BAZ1A: variants seen among roughly 807,000 people sequenced by gnomAD.
The protein encoded by BAZ1A is bromodomain adjacent to zinc finger domain protein 1A.
A neutral mutation model predicts 185.2 loss-of-function variants in BAZ1A; 50 were observed. The observed-to-expected ratio is 0.27, with a 90% confidence interval of 0.22 to 0.34. The LOEUF is 0.34. BAZ1A is among the 10% of genes least tolerant of loss of function. The pLI is 1.00. For missense variants in BAZ1A, 1,356 were observed against 1,839.9 expected (o/e 0.74, Z 4.81); for synonymous variants, 571 against 615.6 (o/e 0.93, Z 1.07).
chr14:34,849,335 C>T (rs960318869), intron 3 of BAZ1A, among the ~76,000 whole-genome samples: 2 of 152,060 alleles, frequency 1.3e-5, no homozygotes, highest in African/African-American at 2.4e-5. Context: ...TGTTCTGATA[C>T]GAGAAGACAT....
chr14:34,756,500 G>T (rs769663900), intron 25 of BAZ1A, among the ~76,000 whole-genome samples: 1 of 116,146 alleles, frequency 8.6e-6, no homozygotes, highest in African/African-American at 3.4e-5. Context: ...TTGAGACAGA[G>T]TCTTGCCTAG....
chr14:34,851,275 G>A (rs1037191150), intron 3 of BAZ1A, among the ~76,000 whole-genome samples: 2 of 146,432 alleles, frequency 1.4e-5, no homozygotes, highest in East Asian at 2.0e-4. Flanking sequence ...GGAGGTTGTG[G>A]TGAGCTGTGA....
chr14:34,874,866 T>G lies in BAZ1A; in HGVS notation c.-58-204A>C. The G allele has an allele frequency of 4.8e-5, 16 of 332,506 alleles. No individual in the cohort carries two copies. The highest frequency in any genetic ancestry group is 8.7e-4 in the Middle Eastern group (1 of 1,156). 20.6% of individuals were successfully genotyped at this position (332,506 alleles called of 1,614,324 possible). ...CCGCCCCTGCCCCCCGAGCGCGCCC[T>G]ACCTCCTCTCGTCCTGCCGCCGCCT... On this transcript the variant is annotated intron_variant, in intron 1 of 26. Coordinates refer to ENST00000360310, the MANE Select transcript of BAZ1A (RefSeq NM_013448.3). The surrounding 1 kb of genome is among the most constrained non-coding windows in gnomAD (Gnocchi z 4.7).
At chr14:34,802,737 G>T in intron 7 of BAZ1A, 117 bp downstream of exon 7, 2 of 1,065,916 alleles carry the variant, frequency 1.9e-6, no homozygotes, top group Non-Finnish European at 2.6e-6. Flanking sequence ...ACTTTTTGGT[G>T]AGGTAATGAG....
chr14:34,776,346 G>A lies in BAZ1A; in HGVS notation c.2406C>T (p.Ile802=). Residue 802 remains isoleucine, a synonymous_variant, in exon 18 of 27, where the codon ATC becomes ATT. Transcript: ENST00000360310. Reference sequence around the variant, plus strand: ...ACATGCGGTCGCGACCCAAGGGAAAGATATTGGTACAGGCTATGGCACTTT... The same window carrying A: ...ACATGCGGTCGCGACCCAAGGGAAAAATATTGGTACAGGCTATGGCACTTT... ...KIQSAIACTN[I]FPLGRDRMYR... 6.2e-7 allele frequency: 1 copy of A among 1,614,156 alleles called. No individual in the cohort carries two copies. Among genetic ancestry groups the A allele is most frequent in the Non-Finnish European group, 8.5e-7 (1 of 1,180,026 alleles).
chr14:34,873,510 G>A (rs1433586728), intron 2 of BAZ1A, among the ~76,000 whole-genome samples: 1 of 152,190 alleles, frequency 6.6e-6, no homozygotes. Context: ...TACACCAGCA[G>A]CTCCGCGTTC....
At chr14:34,765,393 A>C in intron 21 of BAZ1A, 125 bp from the exon 22 acceptor site, 2 of 1,219,932 alleles carry the variant, frequency 1.6e-6, no homozygotes, top group Non-Finnish European at 2.2e-6. Context: ...TACTTAACAA[A>C]AAGACCATGC....
At chr14:34,780,128 G>C in intron 17 of BAZ1A, 58 bp downstream of exon 17, 4 of 1,591,206 alleles carry the variant, frequency 2.5e-6, no homozygotes, top group Non-Finnish European at 3.4e-6. Flanking sequence ...AATTAATAAA[G>C]TGCTTTATTG....
At chr14:34,818,934 G>A (rs2042044070) in intron 4 of BAZ1A, among the ~76,000 whole-genome samples, 1 of 152,022 alleles carries the variant, frequency 6.6e-6, no homozygotes, top group Non-Finnish European at 1.5e-5. Flanking sequence ...GAGGTCAGGA[G>A]ATCGAGACCA....
intron 24 of BAZ1A, among the ~76,000 whole-genome samples, chr14:34,760,303 T>C (rs1886466188): frequency 6.6e-6 from 1 of 152,042 alleles, no homozygotes; most frequent in African/African-American, 2.4e-5. Context: ...AACAGATAAG[T>C]GGATAGGAAA....
Position 34,761,740 on chromosome 14 carries a change from T to C in BAZ1A, c.4243+17A>G, listed in dbSNP as rs1015760866. 7 of 1,577,388 alleles carry C rather than the reference T, an allele frequency of 4.4e-6. No homozygotes were observed. The African/African-American group carries it at 8.2e-5, about 18-fold the overall frequency. ...TTCAATTTTCCTAGGGAAGGAAGAG[T>C]TTAGATTTCTTCATACCTGGAGATT... On this transcript the variant is annotated intron_variant, in intron 24 of 26. Coordinates refer to ENST00000360310, the MANE Select transcript of BAZ1A (RefSeq NM_013448.3).
At chr14:34,813,670 C>T (rs1042138719) in intron 4 of BAZ1A, among the ~76,000 whole-genome samples, 7 of 150,976 alleles carry the variant, frequency 4.6e-5, no homozygotes, top group East Asian at 2.0e-4. Flanking sequence ...GCAACAAGAG[C>T]GAAACTCCGT....
At chr14:34,832,216 A>ATATATATATATATATATATATATATC (rs2042258784) in intron 3 of BAZ1A, among the ~76,000 whole-genome samples, 1 of 65,784 alleles carries the variant, frequency 1.5e-5, no homozygotes, top group Non-Finnish European at 3.4e-5. Flanking sequence ...ACACACACAC[A>ATATATATATATATATATATATATATC]TATATATATA....
At chr14:34,863,206 C>T (rs867306765) in intron 2 of BAZ1A, among the ~76,000 whole-genome samples, 3 of 136,780 alleles carry the variant, frequency 2.2e-5, no homozygotes, top group Non-Finnish European at 3.1e-5. Flanking sequence ...CTCTTGTCGC[C>T]CAGACTGGAG....
At chr14:34,830,355 A>G (rs1181379568) in intron 3 of BAZ1A, among the ~76,000 whole-genome samples, 5 of 152,190 alleles carry the variant, frequency 3.3e-5, no homozygotes, top group Non-Finnish European at 7.3e-5. Context: ...ATGAATCTTG[A>G]AAATATTATG....
chr14:34,773,794 C>A, intron 19 of BAZ1A, 68 bp from the exon 20 acceptor site: 2 of 1,418,102 alleles, frequency 1.4e-6, no homozygotes, highest in East Asian at 2.3e-5. Context: ...GTATGAAGTT[C>A]AATATGCATA....
chr14:34,853,050 A>C (rs375836907), intron 3 of BAZ1A, among the ~76,000 whole-genome samples: 1 of 56,168 alleles, frequency 1.8e-5, no homozygotes, highest in Non-Finnish European at 5.4e-5. Flanking sequence ...GAACAATTAC[A>C]AAAAAAAAAA....
At chr14:34,801,668 G>A (rs1881570344) in intron 7 of BAZ1A, among the ~76,000 whole-genome samples, 2 of 152,142 alleles carry the variant, frequency 1.3e-5, no homozygotes, top group African/African-American at 4.8e-5. Flanking sequence ...TAGCATTTTG[G>A]GAAGCCACGG....
chr14:34,863,818 T>C (rs2042810438), intron 2 of BAZ1A, among the ~76,000 whole-genome samples: 1 of 151,154 alleles, frequency 6.6e-6, no homozygotes, highest in Non-Finnish European at 1.5e-5. Flanking sequence ...AAAACTTTTT[T>C]TGTGATTCTA....
Sources: gnomAD v4.1 joint callset for allele counts (sites outside exome capture counted in the v4.1 genomes callset) on GRCh38, gnomAD v4.1.1 for gene constraint, Gnocchi (gnomAD v3.1) non-coding constraint, MANE v1.5 for transcripts, NCBI Gene and HGNC (gene_info 2026-07-23, HGNC 2026-07-21) for gene names.